The following FOXN3 variants were observed in gnomAD, a reference collection of about 807,000 sequenced individuals.
The protein encoded by FOXN3 is forkhead box N3.
FOXN3 carries 7 observed loss-of-function variants against 38.4 expected under a neutral mutation model. The observed-to-expected ratio is 0.18, with a 90% CI of 0.10 to 0.34. FOXN3 has a LOEUF of 0.34. Among genes scored for constraint, FOXN3 ranks in the 10% least tolerant of loss-of-function variants. FOXN3 has a pLI of 1.00. For missense variants in FOXN3, 456 were observed against 613.4 expected (o/e 0.74, Z 2.71); for synonymous variants, 230 against 242.2 (o/e 0.95, Z 0.47).
At chr14:89,482,628 G>A (rs1596292428) in intron 1 of FOXN3, among the ~76,000 whole-genome samples, 1 of 150,656 alleles carries the variant, frequency 6.6e-6, no homozygotes, top group Non-Finnish European at 1.5e-5. Flanking sequence ...AATGAATGGA[G>A]CTGGGCATGG....
At chr14:89,518,746 G>A (rs1894259269) in intron 1 of FOXN3, among the ~76,000 whole-genome samples, 1 of 152,216 alleles carries the variant, frequency 6.6e-6, no homozygotes, top group African/African-American at 2.4e-5. Context: ...TTCTGCTGTG[G>A]TGGCTCATGC....
At chr14:89,188,131 T>TA (rs991805537) in intron 4 of FOXN3, among the ~76,000 whole-genome samples, 12 of 151,748 alleles carry the variant, frequency 7.9e-5, no homozygotes, top group African/African-American at 1.2e-4. Flanking sequence ...AATAGCCTTC[T>TA]AAAAAAAAGC....
chr14:89,517,800 C>T (rs1004522303), intron 1 of FOXN3, among the ~76,000 whole-genome samples: 2 of 152,170 alleles, frequency 1.3e-5, no homozygotes, highest in Non-Finnish European at 2.9e-5. Flanking sequence ...TTTCAACTCG[C>T]CTCCCTGCTA....
At chr14:89,594,433 G>T (rs978717129) in intron 1 of FOXN3, among the ~76,000 whole-genome samples, 4 of 152,090 alleles carry the variant, frequency 2.6e-5, no homozygotes, top group Non-Finnish European at 2.9e-5. Flanking sequence ...CATTTCACGT[G>T]GTTTCTAATT....
intron 1 of FOXN3, among the ~76,000 whole-genome samples, chr14:89,565,733 G>T (rs1383685899): frequency 6.6e-6 from 1 of 152,214 alleles, no homozygotes; most frequent in East Asian, 1.9e-4. Context: ...CAAGGAGAAA[G>T]TGGAAAGAAA....
At chr14:89,374,482 G>C (rs1470643559) in intron 2 of FOXN3, among the ~76,000 whole-genome samples, 2 of 151,966 alleles carry the variant, frequency 1.3e-5, no homozygotes, top group Non-Finnish European at 2.9e-5. Flanking sequence ...AGAATGTTTA[G>C]AGCAGCTTTA....
intron 1 of FOXN3, among the ~76,000 whole-genome samples, chr14:89,444,008 A>AAC (rs1892445294): frequency 2.6e-4 from 2 of 7,606 alleles, no homozygotes; most frequent in African/African-American, 1.2e-3. Flanking sequence ...AAACTCTGTC[A>AAC]AAAAAAAAAA....
At chr14:89,199,274 G>A (rs1356521268) in intron 4 of FOXN3, among the ~76,000 whole-genome samples, 1 of 152,214 alleles carries the variant, frequency 6.6e-6, no homozygotes, top group Non-Finnish European at 1.5e-5. Context: ...TGAGACAGGA[G>A]ACAAAGTGAC....
chr14:89,310,975 G>A (rs1015679294), intron 3 of FOXN3, among the ~76,000 whole-genome samples: 8 of 151,764 alleles, frequency 5.3e-5, no homozygotes, highest in Non-Finnish European at 1.2e-4. Context: ...GCGTGGCAGA[G>A]CACACCTGTA....
At chr14:89,506,947 C>T (rs961981538) in intron 1 of FOXN3, among the ~76,000 whole-genome samples, 15 of 151,992 alleles carry the variant, frequency 9.9e-5, no homozygotes, top group Non-Finnish European at 8.8e-5. Flanking sequence ...TAAGAGTCAT[C>T]GCCACTCCCT....
At chr14:89,466,389 T>C (rs1892975928) in intron 1 of FOXN3, among the ~76,000 whole-genome samples, 2 of 152,190 alleles carry the variant, frequency 1.3e-5, no homozygotes, top group Non-Finnish European at 2.9e-5. Context: ...TTGCATCCTC[T>C]TCCAATTGAC....
chr14:89,520,666 G>A (rs1310374703), intron 1 of FOXN3, among the ~76,000 whole-genome samples: 3 of 152,242 alleles, frequency 2.0e-5, no homozygotes, highest in South Asian at 2.1e-4. Context: ...AAAGATAACC[G>A]CTTCAAACAA....
rs183112405 is a variant in FOXN3, at chr14:89,388,137, T to C, written c.543+23797A>G. Among the ~76,000 whole-genome samples, 582 of 152,266 alleles carry C rather than the reference T, an allele frequency of 3.8e-3. 4 individuals are homozygous for C. The highest frequency in any genetic ancestry group is 5.1e-3 in the Non-Finnish European group (348 of 68,014). ...AGGTGGAGGTTGCAGTGAGCCGAGA[T>C]TGCGACATTGCACTCCAGCCTGGGC... is the stretch of plus-strand genomic sequence containing the variant. On this transcript the variant is annotated intron_variant, in intron 2 of 5. Transcript: ENST00000557258.
chr14:89,345,469 C>CACAA (rs1888734908), intron 3 of FOXN3, among the ~76,000 whole-genome samples: 1 of 151,882 alleles, frequency 6.6e-6, no homozygotes, highest in Non-Finnish European at 1.5e-5. Flanking sequence ...AGGCACTTGT[C>CACAA]ACAACACTGG....
intron 3 of FOXN3, among the ~76,000 whole-genome samples, chr14:89,295,663 C>T (rs1322593068): frequency 6.6e-6 from 1 of 152,026 alleles, no homozygotes; most frequent in Non-Finnish European, 1.5e-5. Context: ...TCGCAGCTCA[C>T]TGCAGCCTCA....
At chr14:89,278,848 A>G (rs190102859) in intron 4 of FOXN3, among the ~76,000 whole-genome samples, 1 of 152,178 alleles carries the variant, frequency 6.6e-6, no homozygotes, top group Non-Finnish European at 1.5e-5. Flanking sequence ...GGCATTAAAC[A>G]GGCACATTTT....
At chr14:89,473,260 G>A (rs1209842881) in intron 1 of FOXN3, among the ~76,000 whole-genome samples, 2 of 151,958 alleles carry the variant, frequency 1.3e-5, no homozygotes, top group South Asian at 2.1e-4. Flanking sequence ...TCCTGACCTC[G>A]TGATCCTCCC....
At chr14:89,524,036 C>T (rs953710069) in intron 1 of FOXN3, among the ~76,000 whole-genome samples, 2 of 149,398 alleles carry the variant, frequency 1.3e-5, no homozygotes, top group African/African-American at 4.9e-5. Flanking sequence ...GCTGAGATTA[C>T]AGGCGTGAGC....
Position 89,411,955 on chromosome 14 carries a change from T to C in FOXN3, c.522A>G (p.Lys174=), listed in dbSNP as rs1891556511. ...HNLSLNKCFK[K]VDKERSQSIG... is the part of the protein sequence containing the mutation. ...TTACCTGACTCCTCTCTTTGTCCAC[T>C]TTCTTAAAACACTTATTCAATGATA... Residue 174 remains lysine, a synonymous_variant, in exon 2 of 6, where the codon AAA becomes AAG. Coordinates refer to ENST00000557258, the MANE Select transcript of FOXN3 (RefSeq NM_005197.4). The C allele has an allele frequency of 1.3e-6, 2 of 1,518,052 alleles. No homozygotes were observed. Among genetic ancestry groups the C allele is most frequent in the South Asian group, 1.3e-5 (1 of 76,170 alleles). 94.0% of individuals were successfully genotyped at this position (1,518,052 alleles called of 1,614,324 possible). A position where few individuals can be genotyped will look rare whatever the true frequency, so the allele number is the denominator to read the frequency against.
Sources: allele counts gnomAD v4.1 joint callset (sites outside exome capture counted in the v4.1 genomes callset), GRCh38; gene constraint gnomAD v4.1.1; transcripts MANE v1.5; gene names NCBI Gene and HGNC (gene_info 2026-07-23, HGNC 2026-07-21).